GSE1: variants seen among roughly 807,000 people sequenced by gnomAD.
The protein encoded by GSE1 is genetic suppressor element 1.
GSE1 carries 32 observed loss-of-function variants against 112.6 expected under a neutral mutation model. That is an observed-to-expected ratio of 0.28 (90% CI 0.21 to 0.38). GSE1 has a LOEUF of 0.38. Among genes scored for constraint, GSE1 ranks in the 10% least tolerant of loss-of-function variants. The pLI is 1.00. For missense variants in GSE1, 2,348 were observed against 1,699.2 expected (o/e 1.38, Z -6.71); for synonymous variants, 1,115 against 735.6 (o/e 1.52, Z -8.35).
At chr16:85,629,775 T>C (rs1035820623) in intron 1 of GSE1, among the ~76,000 whole-genome samples, 1 of 152,220 alleles carries the variant, frequency 6.6e-6, no homozygotes, top group Non-Finnish European at 1.5e-5. Flanking sequence ...ATGCAGAGTC[T>C]CTGTGTGCAG....
chr16:85,660,994 AGT>A, intron 8 of GSE1, 150 bp from the exon 9 acceptor site: 1 of 610,182 alleles, frequency 1.6e-6, no homozygotes, highest in Non-Finnish European at 2.9e-6. Flanking sequence ...CTTGGGGTGG[AGT>A]GTGTGTCCCC....
At chr16:85,555,884 C>A, upstream of GSE1, 2 of 811,272 alleles carry the variant, frequency 2.5e-6, no homozygotes, top group Non-Finnish European at 3.0e-6. Flanking sequence ...ATTTCATCAC[C>A]CTCACCTCCC....
intron 1 of GSE1, among the ~76,000 whole-genome samples, chr16:85,576,489 G>A (rs934769368): frequency 6.6e-6 from 1 of 152,152 alleles, no homozygotes. Flanking sequence ...TAGAGGCCTG[G>A]GGTAGATGCT....
chr16:85,532,641 C>A (rs940973966), intron 2 of GSE1, among the ~76,000 whole-genome samples: 4 of 152,144 alleles, frequency 2.6e-5, no homozygotes, highest in African/African-American at 9.7e-5. Context: ...TCCCACCGCC[C>A]CGCACTGTTC....
At chr16:85,264,091 A>G (rs1429319701) in intron 1 of GSE1, among the ~76,000 whole-genome samples, 1 of 152,046 alleles carries the variant, frequency 6.6e-6, no homozygotes, top group African/African-American at 2.4e-5. Context: ...TGGTATTCCA[A>G]GTGGTAGGGC....
intron 1 of GSE1, among the ~76,000 whole-genome samples, chr16:85,190,922 A>G (rs982892069): frequency 2.6e-5 from 4 of 152,196 alleles, no homozygotes; most frequent in African/African-American, 9.7e-5. Flanking sequence ...TGTCAGAGCC[A>G]CTGACAGCTG....
chr16:85,437,614 G>C (rs1326416787), intron 2 of GSE1, among the ~76,000 whole-genome samples: 1 of 152,104 alleles, frequency 6.6e-6, no homozygotes, highest in Non-Finnish European at 1.5e-5. Flanking sequence ...AGACCAGGAA[G>C]GGATCTGGGC....
intron 1 of GSE1, among the ~76,000 whole-genome samples, chr16:85,276,664 G>T (rs566173988): frequency 2.0e-5 from 3 of 152,196 alleles, no homozygotes; most frequent in Non-Finnish European, 4.4e-5. Flanking sequence ...AGGATGCTTC[G>T]GTGGCGGGAG....
intron 1 of GSE1, among the ~76,000 whole-genome samples, chr16:85,587,172 C>A (rs546909017): frequency 1.0e-4 from 15 of 150,096 alleles, no homozygotes; most frequent in Non-Finnish European, 1.2e-4. Flanking sequence ...GACGAAACCC[C>A]CCCCCCCCCA....
chr16:85,316,216 G>A (rs72807776), intron 1 of GSE1, among the ~76,000 whole-genome samples: 2,602 of 152,308 alleles, frequency 0.017, 24 homozygotes, highest in Non-Finnish European at 0.026. Context: ...CTTTTAAAAA[G>A]GAAAAGCAGG....
intron 2 of GSE1, among the ~76,000 whole-genome samples, chr16:85,499,698 G>A (rs2051300327): frequency 6.6e-6 from 1 of 152,120 alleles, no homozygotes; most frequent in African/African-American, 2.4e-5. Context: ...AATTTTATGT[G>A]CATTTTACTG....
intron 1 of GSE1, chr16:85,284,894 T>C (rs867023778): frequency 3.9e-5 from 6 of 152,338 alleles, no homozygotes; most frequent in Admixed American, 6.5e-5. Flanking sequence ...AGAGTAGGTC[T>C]GTAATCACAG....
intron 2 of GSE1, among the ~76,000 whole-genome samples, chr16:85,401,992 G>T (rs1327277887): frequency 6.6e-6 from 1 of 152,236 alleles, no homozygotes; most frequent in Admixed American, 6.5e-5. Context: ...CGCCCTGAGG[G>T]ACAGCAGCTG....
At chr16:85,355,726 A>G (rs1301543772) in intron 1 of GSE1, among the ~76,000 whole-genome samples, 1 of 152,106 alleles carries the variant, frequency 6.6e-6, no homozygotes, top group Non-Finnish European at 1.5e-5. Flanking sequence ...AATTTTAAAG[A>G]TTACAGAAAA....
intron 1 of GSE1, among the ~76,000 whole-genome samples, chr16:85,355,282 C>T (rs1469431171): frequency 6.6e-6 from 1 of 152,126 alleles, no homozygotes; most frequent in Non-Finnish European, 1.5e-5. Context: ...ACCCTGCTGT[C>T]CCTGGAGCTC....
In GSE1 at chr16:85,656,553, C is replaced by T. The variant is rs191875695; in HGVS notation, c.1200C>T (p.Ala400=). ...GGGCCCGGGAGAAGGAGCTGCTGGC[C>T]GCCAAGGCCCTGGAGCCCAGCTTCC... The part of the protein sequence containing the change: ...EQRAREKELL[A]AKALEPSFLP... The change falls in exon 7 of 16, where the codon GCC becomes GCT. Residue 400 remains alanine (A), a synonymous_variant. Transcript: ENST00000253458. 1.1e-3 allele frequency: 1,753 copies of T among 1,548,514 alleles called. 3 individuals carry two copies. The highest frequency in any genetic ancestry group is 1.4e-3 in the Non-Finnish European group (1,567 of 1,146,362).
chr16:85,213,590 G>T (rs571158704), intron 1 of GSE1, among the ~76,000 whole-genome samples: 1 of 152,208 alleles, frequency 6.6e-6, no homozygotes, highest in Non-Finnish European at 1.5e-5. Context: ...TCACGTGTCC[G>T]GGCTATGGCT....
intron 7 of GSE1, among the ~76,000 whole-genome samples, chr16:85,656,867 A>G (rs1165939886): frequency 6.6e-6 from 1 of 152,240 alleles, no homozygotes; most frequent in East Asian, 1.9e-4. Context: ...AGCTGACCCC[A>G]GGAGGACAGT....
intron 1 of GSE1, among the ~76,000 whole-genome samples, chr16:85,197,056 A>G (rs984179161): frequency 6.6e-6 from 1 of 152,110 alleles, no homozygotes; most frequent in Admixed American, 6.5e-5. Context: ...GTGGGGTCAG[A>G]CGAGGGGTTG....
Sources: allele counts gnomAD v4.1 joint callset (sites outside exome capture counted in the v4.1 genomes callset), GRCh38; gene constraint gnomAD v4.1.1; transcripts MANE v1.5; gene names NCBI Gene and HGNC (gene_info 2026-07-23, HGNC 2026-07-21).